The following ARHGAP26 variants were observed in gnomAD, a reference collection of about 807,000 sequenced individuals.
The protein encoded by ARHGAP26 is rho GTPase-activating protein 26.
ARHGAP26 carries 38 observed loss-of-function variants against 104.8 expected under a neutral mutation model. That is an observed-to-expected ratio of 0.36 (90% confidence interval 0.28 to 0.48). ARHGAP26 has a LOEUF of 0.48. Among genes scored for constraint, ARHGAP26 ranks in the 20% least tolerant of loss-of-function variants. ARHGAP26 has a pLI of 0.99. For synonymous variants in ARHGAP26, 341 were observed against 340.0 expected, an observed-to-expected ratio of 1.00 and a Z score of -0.03; for missense variants, 704 against 947.9, an observed-to-expected ratio of 0.74 and a Z score of 3.38.
At chr5:143,036,374 T>C (rs1782646453) in intron 12 of ARHGAP26, among the ~76,000 whole-genome samples, 1 of 152,174 alleles carries the variant, frequency 6.6e-6, no homozygotes. Flanking sequence ...TGTGGTTCTC[T>C]GCTGTGGAAG....
chr5:142,889,081 C>T (rs1041267107), intron 5 of ARHGAP26, among the ~76,000 whole-genome samples: 15 of 152,308 alleles, frequency 9.8e-5, no homozygotes, highest in Admixed American at 9.2e-4. Context: ...CATAACATTC[C>T]GCTTAGGATT....
At chr5:143,059,681 CA>C (rs1381318937) in intron 17 of ARHGAP26, among the ~76,000 whole-genome samples, 2 of 152,094 alleles carry the variant, frequency 1.3e-5, no homozygotes, top group Non-Finnish European at 2.9e-5. Context: ...GCCTTCTAAC[CA>C]ATTTAAGGCA....
At chr5:143,027,326 C>G (rs1315350863) in intron 12 of ARHGAP26, among the ~76,000 whole-genome samples, 2 of 151,402 alleles carry the variant, frequency 1.3e-5, no homozygotes, top group Non-Finnish European at 2.9e-5. Flanking sequence ...CACCTGCCAC[C>G]ATGCCTAGCT....
In ARHGAP26 at chr5:143,147,356, G is replaced by A; in HGVS notation, c.1963G>A (p.Val655Ile). The stretch of plus-strand genomic sequence containing the variant: ...CTCCAGTGACCCAGACCTGGCTGTG[G>A]TCAAACCCACCCGGCCCAACTCACT... ...MNSSDPDLAVVKPTRPNSLPP... is the reference protein window; with the variant it reads ...MNSSDPDLAVIKPTRPNSLPP... The change falls in exon 20 of 23, where the codon GTC becomes ATC. Residue 655 changes from valine (V) to isoleucine (I), a missense_variant. Physicochemically the swap from Val to Ile is conservative, Grantham distance 29. Around this residue, in one of 6 missense-constraint regions of ARHGAP26, gnomAD observed 217 missense variants for 242.6 expected, o/e 0.89. Coordinates refer to ENST00000645722, the MANE Select transcript of ARHGAP26 (RefSeq NM_001135608.3). 5 of 1,613,858 alleles carry A rather than the reference G, an allele frequency of 3.1e-6. No individual in the cohort carries two copies. Among genetic ancestry groups the A allele is most frequent in the South Asian group, 1.1e-5 (1 of 91,060 alleles).
At chr5:142,833,258 A>C (rs1345268286) in intron 1 of ARHGAP26, among the ~76,000 whole-genome samples, 2 of 146,766 alleles carry the variant, frequency 1.4e-5, no homozygotes, top group Non-Finnish European at 3.0e-5. Flanking sequence ...ATGGCATTTC[A>C]CCATGTTGAC....
intron 20 of ARHGAP26, among the ~76,000 whole-genome samples, chr5:143,196,265 A>C (rs768760677): frequency 6.6e-6 from 1 of 151,698 alleles, no homozygotes; most frequent in Admixed American, 6.6e-5. Context: ...CTTCTTCCCC[A>C]CAAGGGCTCT....
intron 13 of ARHGAP26, 37 bp from the exon 14 acceptor site, chr5:143,041,779 G>A (rs185103908): frequency 6.2e-5 from 93 of 1,511,658 alleles, no homozygotes; most frequent in East Asian, 1.4e-4. Flanking sequence ...GTGTTCTGAC[G>A]TGCCTCTAAT....
At chr5:142,808,236 GAAAAAAAAAAAAA>G (rs58550799) in intron 1 of ARHGAP26, among the ~76,000 whole-genome samples, 20 of 32,692 alleles carry the variant, frequency 6.1e-4, no homozygotes, top group African/African-American at 1.4e-3. Context: ...CATTGTCTCG[GAAAAAAAAAAAAA>G]AAAAAAAAAA....
chr5:143,218,234 T>G (rs1810627815), intron 22 of ARHGAP26, among the ~76,000 whole-genome samples: 1 of 152,180 alleles, frequency 6.6e-6, no homozygotes, highest in Non-Finnish European at 1.5e-5. Context: ...ATGCCCAGCT[T>G]TTTCCCGTCA....
intron 18 of ARHGAP26, among the ~76,000 whole-genome samples, chr5:143,122,801 A>G (rs1796293428): frequency 6.6e-6 from 1 of 152,176 alleles, no homozygotes; most frequent in Non-Finnish European, 1.5e-5. Flanking sequence ...GGTCAGACAA[A>G]CAACTTATTT....
At chr5:143,111,548 C>T (rs1451296435) in intron 17 of ARHGAP26, among the ~76,000 whole-genome samples, 2 of 152,204 alleles carry the variant, frequency 1.3e-5, no homozygotes, top group African/African-American at 4.8e-5. Flanking sequence ...AGTAAGTTCT[C>T]AGCTCATGTT....
chr5:142,829,582 AT>A (rs1767990699), intron 1 of ARHGAP26, among the ~76,000 whole-genome samples: 1 of 152,274 alleles, frequency 6.6e-6, no homozygotes, highest in South Asian at 2.1e-4. Context: ...GCAGTGTGAT[AT>A]AATTGGTATT....
intron 1 of ARHGAP26, among the ~76,000 whole-genome samples, chr5:142,858,061 CTG>C (rs746146391): frequency 0.029 from 3,910 of 134,180 alleles, 56 homozygotes; most frequent in Middle Eastern, 0.045. Context: ...GAGAGAGAAT[CTG>C]TGTGTGTGTG....
intron 20 of ARHGAP26, among the ~76,000 whole-genome samples, chr5:143,150,740 A>G (rs1434920489): frequency 6.6e-6 from 1 of 152,258 alleles, no homozygotes; most frequent in African/African-American, 2.4e-5. Context: ...ATGAATCTAG[A>G]TACAGACATT....
intron 22 of ARHGAP26, among the ~76,000 whole-genome samples, chr5:143,215,096 T>C (rs992033767): frequency 6.6e-6 from 1 of 152,156 alleles, no homozygotes; most frequent in African/African-American, 2.4e-5. Context: ...GGCGGCGGAG[T>C]CCTGGCCCTG....
chr5:142,959,599 C>T (rs1421477748), intron 11 of ARHGAP26, among the ~76,000 whole-genome samples: 1 of 152,224 alleles, frequency 6.6e-6, no homozygotes, highest in Non-Finnish European at 1.5e-5. Flanking sequence ...CCTCCATGTT[C>T]AAGCCAAGGC....
Position 143,012,538 on chromosome 5 carries a change from TATATACATACATAC to T in ARHGAP26, c.1108-1536_1108-1523del, listed in dbSNP as rs1386996276. Among the ~76,000 whole-genome samples the T allele has an allele frequency of 2.7e-4, 9 of 33,056 alleles. 3 individuals carry two copies. The highest frequency in any genetic ancestry group is 6.9e-4 in the Non-Finnish European group (9 of 13,100). 21.7% of individuals were successfully genotyped at this position (33,056 alleles called of 152,430 possible). On this transcript the variant is annotated intron_variant, in intron 11 of 22. Transcript: ENST00000645722. Reference sequence around the variant, plus strand: ...ATTAGAGTCACTGGAGGGATATATTTATATACATACATACATATATATATATATATATATATATT... The same window carrying T: ...ATTAGAGTCACTGGAGGGATATATTTATATATATATATATATATATATATT...
chr5:143,121,637 T>G (rs1371393458), intron 18 of ARHGAP26, among the ~76,000 whole-genome samples: 1 of 152,250 alleles, frequency 6.6e-6, no homozygotes, highest in African/African-American at 2.4e-5. Flanking sequence ...ATAAATGGTG[T>G]TGTATTTTTT....
At chr5:143,104,320 AC>A (rs1481739683) in intron 17 of ARHGAP26, among the ~76,000 whole-genome samples, 1 of 151,954 alleles carries the variant, frequency 6.6e-6, no homozygotes, top group Non-Finnish European at 1.5e-5. Context: ...GACCAGCCTG[AC>A]CAACATGGTG....
Sources: allele counts gnomAD v4.1 joint callset (sites outside exome capture counted in the v4.1 genomes callset), GRCh38; gene constraint gnomAD v4.1.1; regional missense constraint gnomAD v4.1.1; transcripts MANE v1.5; gene names NCBI Gene and HGNC (gene_info 2026-07-23, HGNC 2026-07-21).